The following B4GALT4 variants were observed in gnomAD, a reference collection of about 807,000 sequenced individuals.
B4GALT4 encodes N-acetyllactosamine synthase.
Under a neutral mutation model 37.3 loss-of-function variants are expected in B4GALT4, and 27 were observed. That is an observed-to-expected ratio of 0.72 (90% CI 0.53 to 1.00). The LOEUF (loss-of-function observed/expected upper bound fraction) is 1.00, where lower values mean the gene tolerates loss of function less well. Ranked by LOEUF, B4GALT4 falls within the 50% of genes least tolerant of loss-of-function variation. The pLI, the probability that B4GALT4 is intolerant of heterozygous loss-of-function variation, is 0.00. For synonymous variants in B4GALT4, 148 were observed against 154.1 expected, an observed-to-expected ratio of 0.96 and a Z score of 0.29; for missense variants, 372 against 413.1, an observed-to-expected ratio of 0.90 and a Z score of 0.86.
In B4GALT4 at chr3:119,217,735, C is replaced by T. The variant is rs543352481; in HGVS notation, c.797+915G>A. 7.2e-3 allele frequency among the ~76,000 whole-genome samples: 1,081 copies of T among 150,094 alleles called. 11 individuals are homozygous for T. Among genetic ancestry groups the T allele is most frequent in the African/African-American group, 0.026 (1,049 of 40,626 alleles). Reference sequence around the variant, plus strand: ...GCACACGCCTGTAGTCCCAGCTACTCGGGAGGCTGAGGCTGGAGAATCACT... The same window carrying T: ...GCACACGCCTGTAGTCCCAGCTACTTGGGAGGCTGAGGCTGGAGAATCACT... On this transcript the variant is annotated intron_variant, in intron 6 of 7. Transcript: ENST00000393765.
At chr3:119,225,400 CT>C (rs775504134) in intron 4 of B4GALT4, among the ~76,000 whole-genome samples, 1 of 150,872 alleles carries the variant, frequency 6.6e-6, no homozygotes, top group African/African-American at 2.4e-5. Context: ...TTCTCTTTTT[CT>C]TTTTTTTTAA....
chr3:119,230,721 A>G (rs73854435), intron 2 of B4GALT4, among the ~76,000 whole-genome samples: 2,975 of 152,354 alleles, frequency 0.02, 101 homozygotes, highest in African/African-American at 0.067. Context: ...CTAGAAAAAC[A>G]TGGTCCTCAA....
chr3:119,232,081 G>T (rs1181866041), intron 2 of B4GALT4, among the ~76,000 whole-genome samples: 1 of 151,914 alleles, frequency 6.6e-6, no homozygotes, highest in Non-Finnish European at 1.5e-5. Flanking sequence ...TTTAGTTTCA[G>T]GTTAGTTTGA....
intron 2 of B4GALT4, 63 bp from the exon 3 acceptor site, chr3:119,230,307 T>C (rs2078766999): frequency 1.5e-6 from 1 of 649,996 alleles, no homozygotes; most frequent in African/African-American, 1.8e-5. Flanking sequence ...AGTGATTCAC[T>C]CCAGCACAAA....
intron 6 of B4GALT4, 40 bp downstream of exon 6, chr3:119,218,610 G>A (rs1190106296): frequency 1.2e-6 from 2 of 1,613,454 alleles, no homozygotes; most frequent in African/African-American, 1.3e-5. Context: ...GCCACACTGA[G>A]TGCAGAGCCC....
At chr3:119,216,373 G>C (rs1249321363) in intron 6 of B4GALT4, 29 bp from the exon 7 acceptor site, 1 of 1,584,598 alleles carries the variant, frequency 6.3e-7, no homozygotes, top group Admixed American at 1.7e-5. Context: ...TTTTTTTAAA[G>C]TCCATCCTAT....
chr3:119,235,275 G>C (rs1305928373), intron 2 of B4GALT4: 1 of 152,202 alleles, frequency 6.6e-6, no homozygotes, highest in African/African-American at 2.4e-5. Flanking sequence ...CATTCTTGGA[G>C]AATCTCTAAC....
In B4GALT4 at chr3:119,212,419, A is replaced by G; in HGVS notation, c.*130T>C. On this transcript the variant is annotated 3_prime_UTR_variant, in exon 8 of 8. Coordinates refer to ENST00000393765, the MANE Select transcript of B4GALT4 (RefSeq NM_003778.4). ...ACCAGGAGCTCTGCTAAGAAAATAC[A>G]AAAAGGAAAAATTCAGCTCAACAAT... is the stretch of plus-strand genomic sequence containing the variant. 1.0e-6 allele frequency: 1 copy of G among 966,526 alleles called. No homozygotes were observed. 59.9% of individuals were successfully genotyped at this position (966,526 alleles called of 1,614,324 possible).
intron 6 of B4GALT4, among the ~76,000 whole-genome samples, chr3:119,217,576 C>T (rs1307924684): frequency 1.3e-5 from 2 of 152,176 alleles, no homozygotes; most frequent in East Asian, 3.9e-4. Flanking sequence ...CACAGTGGCT[C>T]ACACCTGTAA....
chr3:119,216,197 G>T, intron 7 of B4GALT4, 43 bp downstream of exon 7: 1 of 1,484,484 alleles, frequency 6.7e-7, no homozygotes, highest in South Asian at 1.2e-5. Context: ...TGACAGAACA[G>T]ACTAGGGAGG....
In B4GALT4 at chr3:119,224,217, T is replaced by G. The variant is rs772179142; in HGVS notation, c.515A>C (p.Lys172Thr). 24 of 1,609,880 alleles carry G rather than the reference T, an allele frequency of 1.5e-5. No homozygotes were observed. The highest frequency in any genetic ancestry group is 1.9e-5 in the Non-Finnish European group (22 of 1,178,836). Residue 172 changes from lysine (K) to threonine (T), a missense_variant, in exon 5 of 8, where the codon AAA becomes ACA. Coordinates refer to ENST00000393765, the MANE Select transcript of B4GALT4 (RefSeq NM_003778.4). ...TTCTAGATAGCCCACATTCAAGAGT[T>G]TGGCTCGATTAAACTTTTTACCTTC... The part of the protein sequence containing the change: ...QAEGKKFNRA[K>T]LLNVGYLEAL...
At chr3:119,227,514 C>A (rs956598134) in intron 3 of B4GALT4, among the ~76,000 whole-genome samples, 1 of 152,188 alleles carries the variant, frequency 6.6e-6, no homozygotes, top group Non-Finnish European at 1.5e-5. Flanking sequence ...TGGAACCACC[C>A]TGGCTCCCTG....
At chr3:119,232,315 A>G (rs1280167680) in intron 2 of B4GALT4, 1 of 152,250 alleles carries the variant, frequency 6.6e-6, no homozygotes, top group Non-Finnish European at 1.5e-5. Context: ...AAAATCACTT[A>G]TATTAACCTA....
intron 6 of B4GALT4, among the ~76,000 whole-genome samples, chr3:119,218,307 C>T (rs1478770725): frequency 2.0e-5 from 3 of 152,230 alleles, no homozygotes; most frequent in African/African-American, 7.2e-5. Flanking sequence ...TGACAGAAAG[C>T]ATGAGGCTCT....
intron 2 of B4GALT4, chr3:119,233,188 T>C (rs1241760610): frequency 6.6e-6 from 1 of 152,242 alleles, no homozygotes; most frequent in African/African-American, 2.4e-5. Context: ...AAGGAGGTTA[T>C]GACCATAAAA....
intron 2 of B4GALT4, among the ~76,000 whole-genome samples, chr3:119,234,534 T>A (rs2078925049): frequency 6.6e-6 from 1 of 152,266 alleles, no homozygotes; most frequent in South Asian, 2.1e-4. Context: ...TTTTACTTTC[T>A]AACTCTGTAA....
At chr3:119,239,151 C>G (rs766662879) in intron 1 of B4GALT4, among the ~76,000 whole-genome samples, 2 of 151,956 alleles carry the variant, frequency 1.3e-5, no homozygotes, top group African/African-American at 4.8e-5. Context: ...CATGGTGAAA[C>G]CCCATCACTA....
At chr3:119,230,338 G>A in intron 2 of B4GALT4, 94 bp from the exon 3 acceptor site, 1 of 546,996 alleles carries the variant, frequency 1.8e-6, no homozygotes, top group East Asian at 3.2e-5. Flanking sequence ...ATCCCCGATG[G>A]ACCTTGACTA....
chr3:119,224,257 A>G lies in B4GALT4; in HGVS notation c.487-12T>C, dbSNP rs2078533719. 1 of 1,571,044 alleles carries G rather than the reference A, an allele frequency of 6.4e-7. No homozygotes were observed. Among genetic ancestry groups the G allele is most frequent in the Non-Finnish European group, 8.6e-7 (1 of 1,162,400 alleles). On this transcript the variant is annotated splice_polypyrimidine_tract_variant and intron_variant, in intron 4 of 7. Transcript: ENST00000393765. Reference sequence around the variant, plus strand: ...TTTTTACCTTCAGCCTAGAGATATGAAAATTAAAACTTGAAAAGCTCCTGA... The same window carrying G: ...TTTTTACCTTCAGCCTAGAGATATGGAAATTAAAACTTGAAAAGCTCCTGA...
Sources: gnomAD v4.1 joint callset for allele counts (sites outside exome capture counted in the v4.1 genomes callset) on GRCh38, gnomAD v4.1.1 for gene constraint, MANE v1.5 for transcripts, NCBI Gene and HGNC (gene_info 2026-07-23, HGNC 2026-07-21) for gene names.